The following SAMD12 variants were observed in gnomAD, a reference collection of about 807,000 sequenced individuals.
SAMD12 encodes the protein sterile alpha motif domain-containing protein 12.
A neutral mutation model predicts 15.0 loss-of-function variants in SAMD12; 9 were observed. The ratio of observed to expected loss-of-function variants is 0.60; its 90% CI spans 0.36 to 1.05. SAMD12 has a LOEUF of 1.05. Ranked by LOEUF, SAMD12 falls within the 50% of genes least tolerant of loss-of-function variation. The probability of loss-of-function intolerance (pLI) is 0.01; values close to 1 mark genes in which losing one functional copy is unlikely to be tolerated. For missense variants in SAMD12, 230 were observed against 234.2 expected (o/e 0.98, Z 0.12); for synonymous variants, 86 against 90.1 (o/e 0.96, Z 0.25).
chr8:118,592,419 AAATAATGGG>A (rs1827605545), intron 1 of SAMD12, among the ~76,000 whole-genome samples: 1 of 152,180 alleles, frequency 6.6e-6, no homozygotes, highest in Non-Finnish European at 1.5e-5. Context: ...TTTAGTAGGT[AAATAATGGG>A]CTTTGGAGTC....
intron 2 of SAMD12, among the ~76,000 whole-genome samples, chr8:118,523,555 T>C (rs1056980884): frequency 2.0e-5 from 3 of 151,810 alleles, no homozygotes; most frequent in African/African-American, 7.3e-5. Context: ...TTTTTCATTT[T>C]GTAGACATCT....
At chr8:118,598,245 G>A (rs1827771470) in intron 1 of SAMD12, among the ~76,000 whole-genome samples, 1 of 152,168 alleles carries the variant, frequency 6.6e-6, no homozygotes, top group African/African-American at 2.4e-5. Flanking sequence ...TTCATATGCT[G>A]AAGGCTTAAC....
chr8:118,296,287 T>G (rs1814710636), intron 4 of SAMD12, among the ~76,000 whole-genome samples: 1 of 152,168 alleles, frequency 6.6e-6, no homozygotes, highest in South Asian at 2.1e-4. Context: ...CACTTGTTTG[T>G]TCTTGATTTC....
intron 4 of SAMD12, among the ~76,000 whole-genome samples, chr8:118,311,936 A>G (rs1191720078): frequency 1.3e-5 from 2 of 152,182 alleles, no homozygotes; most frequent in Non-Finnish European, 2.9e-5. Context: ...CACACTCAGT[A>G]GGTCCAAAAG....
chr8:118,495,296 A>C (rs1341341352), intron 2 of SAMD12, among the ~76,000 whole-genome samples: 1 of 152,178 alleles, frequency 6.6e-6, no homozygotes, highest in Non-Finnish European at 1.5e-5. Context: ...ACAGCACATG[A>C]GTCTCAGAAG....
At chr8:118,272,621 G>A (rs1437524984) in intron 4 of SAMD12, among the ~76,000 whole-genome samples, 1 of 152,134 alleles carries the variant, frequency 6.6e-6, no homozygotes, top group African/African-American at 2.4e-5. Flanking sequence ...CCTCTTGAAT[G>A]TTTTGTTGCT....
intron 4 of SAMD12, among the ~76,000 whole-genome samples, chr8:118,346,670 G>C (rs965266768): frequency 6.6e-6 from 1 of 152,164 alleles, no homozygotes; most frequent in Non-Finnish European, 1.5e-5. Context: ...GAACTCACAG[G>C]ACTCAGCATA....
rs528723240 is a variant in SAMD12, at chr8:118,453,770, C to T, written c.193-13809G>A. ...TCTTGGGCTCAAACCATTCTCCTGC[C>T]TCGGCCTCCCAAAGTCCTGGGATTA... On this transcript the variant is annotated intron_variant, in intron 2 of 3. Transcript: ENST00000314727. Among the ~76,000 whole-genome samples the T allele has an allele frequency of 2.6e-5, 4 of 152,296 alleles. No individual in the cohort carries two copies. The East Asian group carries it at 7.7e-4, about 29-fold the overall frequency.
intron 2 of SAMD12, among the ~76,000 whole-genome samples, chr8:118,567,721 ATTATCATTTGATCATATC>A (rs1397999795): frequency 1.3e-5 from 2 of 152,196 alleles, no homozygotes; most frequent in Non-Finnish European, 2.9e-5. Flanking sequence ...TGTGCAATTA[ATTATCATTTGATCATATC>A]TATTGTAACA....
chr8:118,379,100 A>C lies in SAMD12; in HGVS notation c.*317T>G. 1 of 1,077,962 alleles carries C rather than the reference A, an allele frequency of 9.3e-7. No homozygotes were observed. The highest frequency in any genetic ancestry group is 1.1e-6 in the Non-Finnish European group (1 of 886,774). The allele number at this position is 1,077,962 out of a possible 1,614,324, so 66.8% of individuals were successfully genotyped here. A position where few individuals can be genotyped will look rare whatever the true frequency, so the allele number is the denominator to read the frequency against. On this transcript the variant is annotated 3_prime_UTR_variant, in exon 4 of 4. Coordinates refer to ENST00000314727, the MANE Select transcript of SAMD12 (RefSeq NM_207506.3). Reference sequence around the variant, plus strand: ...GAAAAGCAAAACAAAAATACAACAAAAACTCCACTTATATCACTGGTCATC... The same window carrying C: ...GAAAAGCAAAACAAAAATACAACAACAACTCCACTTATATCACTGGTCATC...
At chr8:118,157,013 G>A in the SAMD12 span, among the ~76,000 whole-genome samples, 1 of 152,200 alleles carries the variant, frequency 6.6e-6, no homozygotes, top group Admixed American at 6.5e-5. Context: ...ATAATACACA[G>A]CCAGTAAATA....
At chr8:118,155,375 C>T in the SAMD12 span, among the ~76,000 whole-genome samples, 2 of 152,088 alleles carry the variant, frequency 1.3e-5, no homozygotes, top group African/African-American at 4.8e-5. Context: ...GGGGGTGGGC[C>T]ACATCTAACA....
At chr8:118,295,879 A>T (rs950641433) in intron 4 of SAMD12, among the ~76,000 whole-genome samples, 8 of 152,242 alleles carry the variant, frequency 5.3e-5, no homozygotes, top group East Asian at 1.9e-4. Context: ...TCCTGGCCTC[A>T]AGTGTGCATC....
intron 4 of SAMD12, among the ~76,000 whole-genome samples, chr8:118,204,472 A>G (rs1471315557): frequency 6.6e-6 from 1 of 152,106 alleles, no homozygotes; most frequent in East Asian, 1.9e-4. Context: ...ATCTCCAAAG[A>G]GGCCGGACAT....
intron 4 of SAMD12, among the ~76,000 whole-genome samples, chr8:118,204,389 C>G (rs371480567): frequency 6.6e-6 from 1 of 152,024 alleles, no homozygotes; most frequent in South Asian, 2.1e-4. Flanking sequence ...GAAGCGGGAT[C>G]GGGAGGGGGA....
intron 2 of SAMD12, among the ~76,000 whole-genome samples, chr8:118,492,726 A>C (rs1824487027): frequency 6.6e-6 from 1 of 152,220 alleles, no homozygotes; most frequent in Non-Finnish European, 1.5e-5. Flanking sequence ...TACTGGACAT[A>C]AAGAGGGAAC....
chr8:118,360,754 C>T (rs558334071), intron 4 of SAMD12, among the ~76,000 whole-genome samples: 1 of 152,192 alleles, frequency 6.6e-6, no homozygotes, highest in South Asian at 2.1e-4. Context: ...GCTAGGGAGG[C>T]ATCAGTGCCA....
intron 2 of SAMD12, among the ~76,000 whole-genome samples, chr8:118,487,122 G>A (rs191374264): frequency 1.8e-3 from 268 of 152,292 alleles, no homozygotes; most frequent in African/African-American, 6.3e-3. Context: ...AGAATCCCCA[G>A]CACAAGTGTT....
downstream of SAMD12, among the ~76,000 whole-genome samples, chr8:118,375,425 G>T (rs1042097827): frequency 2.0e-5 from 3 of 152,092 alleles, no homozygotes; most frequent in Admixed American, 6.5e-5. Flanking sequence ...AGCCTTAAGT[G>T]GGTAAGTTGT....
Sources: allele counts gnomAD v4.1 joint callset (sites outside exome capture counted in the v4.1 genomes callset), GRCh38; gene constraint gnomAD v4.1.1; transcripts MANE v1.5; gene names NCBI Gene and HGNC (gene_info 2026-07-23, HGNC 2026-07-21).